Variants in TTC16 observed in about 807,000 individuals in gnomAD.
The protein encoded by TTC16 is tetratricopeptide repeat domain 16.
In TTC16, 66 loss-of-function variants were observed where a neutral mutation model predicts 80.4. That is an observed-to-expected ratio of 0.82 (90% CI 0.67 to 1.01). TTC16 has a LOEUF of 1.01. Ranked by LOEUF, TTC16 falls within the 50% of genes least tolerant of loss-of-function variation. The probability of loss-of-function intolerance (pLI) is 0.00; values close to 1 mark genes in which losing one functional copy is unlikely to be tolerated. For synonymous variants in TTC16, 438 were observed against 451.3 expected, an observed-to-expected ratio of 0.97 and a Z score of 0.37; for missense variants, 1,070 against 1,103.2, an observed-to-expected ratio of 0.97 and a Z score of 0.43.
rs1843330923 is a variant in TTC16, at chr9:127,720,096, CA to C, written c.446del (p.Gln149ArgfsTer8). The C allele has an allele frequency of 6.2e-7, 1 of 1,613,742 alleles. No homozygotes were observed. The highest frequency in any genetic ancestry group is 8.5e-7 in the Non-Finnish European group (1 of 1,180,004). On this transcript the variant is annotated frameshift_variant, in exon 5 of 14. Coordinates refer to ENST00000373289, the MANE Select transcript of TTC16 (RefSeq NM_144965.3). LOFTEE classifies it high-confidence loss of function. ...TCCCCAGGGACAATGCCTTTTTGAG[CA>C]GTGTGCCTTCCTGGATGCCCTGAAT... The part of the protein sequence containing the change: ...LYLQGQCLFE[Q>X]CAFLDALNVF...
chr9:127,725,481 G>A (rs1309164981), intron 9 of TTC16, among the ~76,000 whole-genome samples: 1 of 145,076 alleles, frequency 6.9e-6, no homozygotes, highest in East Asian at 2.2e-4. Flanking sequence ...GGAGAATGGC[G>A]TGAACCCGGG....
chr9:127,725,339 C>T (rs1490572311), intron 9 of TTC16, among the ~76,000 whole-genome samples: 4 of 150,876 alleles, frequency 2.7e-5, no homozygotes, highest in South Asian at 2.1e-4. Context: ...CCGAGGCGGG[C>T]GGATCACAAG....
Position 127,731,024 on chromosome 9 carries a change from C to A in TTC16, c.2241C>A (p.Ser747Arg), listed in dbSNP as rs773760414. 1 of 1,610,216 alleles carries A rather than the reference C, an allele frequency of 6.2e-7. No homozygotes were observed. Among genetic ancestry groups the A allele is most frequent in the Non-Finnish European group, 8.5e-7 (1 of 1,179,050 alleles). ...EATQGQRQSS[S>R]EIEATQGPRQ... is the part of the protein sequence containing the mutation. ...CTCAGGGCCAGAGGCAGAGCTCCAG[C>A]GAGATTGAGGCCACCCAGGGCCCAA... Residue 747 changes from serine (S) to arginine (R), a missense_variant, in exon 14 of 14, where the codon AGC becomes AGA. Physicochemically the swap from Ser to Arg is moderately radical, Grantham distance 110. Coordinates refer to ENST00000373289, the MANE Select transcript of TTC16 (RefSeq NM_144965.3).
rs748267282 is a variant in TTC16, at chr9:127,724,800, T to G, written c.1162T>G (p.Tyr388Asp). 3 of 1,610,444 alleles carry G rather than the reference T, an allele frequency of 1.9e-6. No individual in the cohort carries two copies. The highest frequency in any genetic ancestry group is 2.7e-5 in the African/African-American group (2 of 74,918). Residue 388 changes from tyrosine (Y) to aspartate (D), a missense_variant, in exon 9 of 14, where the codon TAC (tyrosine) becomes GAC (aspartate). Tyr to Asp is a radical substitution (Grantham distance 160, BLOSUM62 -3). Transcript: ENST00000373289. ...LGNLAFAEAD[Y>D]QQALALSPQD... ...CAACCTGGCCTTTGCCGAGGCGGAC[T>G]ACCAGCAGGCGCTGGCGCTGAGCCC... is the stretch of plus-strand genomic sequence containing the variant.
intron 9 of TTC16, 123 bp from the exon 10 acceptor site, chr9:127,726,116 G>T: frequency 1.5e-6 from 1 of 669,766 alleles, no homozygotes; most frequent in South Asian, 3.4e-5. Context: ...AGAGGAGAGG[G>T]GCGTGGTGAG....
chr9:127,720,420 G>GGCGGGGC, intron 6 of TTC16, 25 bp downstream of exon 6: 2 of 1,141,772 alleles, frequency 1.8e-6, no homozygotes, highest in Non-Finnish European at 2.7e-6. Flanking sequence ...GCGGGCAGGG[G>GGCGGGGC]CATGCCCCCC....
At position 127,723,333 on chromosome 9, in the gene TTC16, G is replaced by A. The variant is rs550274680; in HGVS notation, c.872G>A (p.Arg291Gln). ...CTGGACCCCAGTCTCTTCCTCTTCC[G>A]GTACTGCATGGGAAGGTGCTGGCCT... ...NPLDPSLFLF[R>Q]GTMYRRLQEF... Residue 291 changes from arginine to glutamine, a missense_variant and splice_region_variant, in exon 7 of 14, where the codon CGG becomes CAG. By Grantham distance (43) the Arg-to-Gln change is conservative. Transcript: ENST00000373289. 78 of 1,611,626 alleles carry A rather than the reference G, an allele frequency of 4.8e-5. No homozygotes were observed. The highest frequency in any genetic ancestry group is 1.2e-4 in the Admixed American group (7 of 59,960).
At chr9:127,723,019 C>T (rs373228412) in intron 6 of TTC16, 100 bp from the exon 7 acceptor site, 51 of 1,190,694 alleles carry the variant, frequency 4.3e-5, no homozygotes, top group East Asian at 9.6e-5. Flanking sequence ...GTGAGGGGCA[C>T]GGAGGAGGCA....
intron 13 of TTC16, 156 bp downstream of exon 13, chr9:127,729,824 G>A (rs1202103129): frequency 7.8e-6 from 5 of 641,666 alleles, no homozygotes; most frequent in Non-Finnish European, 1.4e-5. Context: ...GAGTAACACT[G>A]TTGCGGGGCT....
Position 127,727,279 on chromosome 9 carries a change from A to C in TTC16, c.1578A>C (p.Lys526Asn), listed in dbSNP as rs472144. Residue 526 changes from lysine to asparagine, a missense_variant, in exon 12 of 14, where the codon AAA (lysine) becomes AAC (asparagine). Coordinates refer to ENST00000373289, the MANE Select transcript of TTC16 (RefSeq NM_144965.3). Reference sequence around the variant, plus strand: ...GGGTATCGTTTGGCAGGATGCTTAAACGGCACGAGTTGGAGCGCCAGAAGG... The same window carrying C: ...GGGTATCGTTTGGCAGGATGCTTAACCGGCACGAGTTGGAGCGCCAGAAGG... ...GSPQGIVGMLKRHELERQKAL... is the reference protein window; with the variant it reads ...GSPQGIVGMLNRHELERQKAL... The C allele has an allele frequency of 6.4e-6, 10 of 1,561,210 alleles. No individual in the cohort carries two copies. In the South Asian group the frequency reaches 1.2e-4, roughly 18 times the overall value.
In TTC16 at chr9:127,717,802, G is replaced by A. The variant is rs758851773; in HGVS notation, c.426+30G>A. 15 of 1,600,236 alleles carry A rather than the reference G, an allele frequency of 9.4e-6. No individual in the cohort carries two copies. The East Asian group carries it at 2.5e-4, about 26-fold the overall frequency. ...CTGGGGCCTCCCGGGCCCATGCAGG[G>A]CACCCACCTCACACTTCTCAGGGGC... On this transcript the variant is annotated intron_variant, in intron 4 of 13. Transcript: ENST00000373289.
chr9:127,716,728 C>A, intron 1 of TTC16, 116 bp from the exon 2 acceptor site: 1 of 1,363,908 alleles, frequency 7.3e-7, no homozygotes, highest in Non-Finnish European at 9.8e-7. Flanking sequence ...AGTGGGAGTG[C>A]CTCCTTCCAG....
Position 127,717,433 on chromosome 9 carries a change from C to T in TTC16, c.282+9C>T. On this transcript the variant is annotated intron_variant, in intron 3 of 13. Transcript: ENST00000373289. ...ACCTGGACCCACAGCTGGTGAGAGGCAGACCTGGGTGGGCACAGGCAGTTG... is the reference window on the plus strand; with the variant it reads ...ACCTGGACCCACAGCTGGTGAGAGGTAGACCTGGGTGGGCACAGGCAGTTG... 6.2e-7 allele frequency: 1 copy of T among 1,609,230 alleles called. No homozygotes were observed. The highest frequency in any genetic ancestry group is 8.5e-7 in the Non-Finnish European group (1 of 1,176,790).
rs142200680 is a variant in TTC16, at chr9:127,730,755, T to C, written c.1972T>C (p.Ser658Pro). Residue 658 changes from serine (S) to proline (P), a missense_variant, in exon 14 of 14, where the codon TCT (serine) becomes CCT (proline). Coordinates refer to ENST00000373289, the MANE Select transcript of TTC16 (RefSeq NM_144965.3). ...ACTGTTGAAGACGCAATCCTCGGACTCTGGGAACAACAGGGAGGCACTAAG... is the reference window on the plus strand; with the variant it reads ...ACTGTTGAAGACGCAATCCTCGGACCCTGGGAACAACAGGGAGGCACTAAG... Reference protein sequence around the residue: ...SSLLKTQSSDSGNNREALSHG... With the variant: ...SSLLKTQSSDPGNNREALSHG... 77 of 1,613,720 alleles carry C rather than the reference T, an allele frequency of 4.8e-5. No individual in the cohort carries two copies. In the African/African-American group the frequency reaches 8.0e-4, roughly 17 times the overall value.
At chr9:127,729,739 A>C in intron 13 of TTC16, 71 bp downstream of exon 13, 4 of 1,454,436 alleles carry the variant, frequency 2.8e-6, no homozygotes, top group Non-Finnish European at 3.8e-6. Flanking sequence ...CAGGGGTCGA[A>C]GACCGCTGGC....
Position 127,729,637 on chromosome 9 carries a change from T to C in TTC16, c.1821T>C (p.Leu607=). The part of the protein sequence containing the change: ...SKVASLSDSY[L]DQTSSASSMS... ...TGGCGTCCCTGTCTGACAGCTACCTTGACCAGACCTCTTCAGCCTCCAGCA... is the reference window on the plus strand; with the variant it reads ...TGGCGTCCCTGTCTGACAGCTACCTCGACCAGACCTCTTCAGCCTCCAGCA... Residue 607 remains leucine (L), a synonymous_variant, in exon 13 of 14, where the codon CTT becomes CTC. Coordinates refer to ENST00000373289, the MANE Select transcript of TTC16 (RefSeq NM_144965.3). 1.2e-6 allele frequency: 2 copies of C among 1,613,764 alleles called. No individual in the cohort carries two copies. The highest frequency in any genetic ancestry group is 1.7e-6 in the Non-Finnish European group (2 of 1,180,008).
intron 12 of TTC16, chr9:127,727,936 T>C (rs1362858858): frequency 6.5e-6 from 1 of 153,282 alleles, no homozygotes; most frequent in Non-Finnish European, 1.5e-5. Context: ...ATTTTTCGTA[T>C]TTTTAGTATT....
chr9:127,723,166 C>T lies in TTC16; in HGVS notation c.705C>T (p.Pro235=). 6.2e-7 allele frequency: 1 copy of T among 1,612,706 alleles called. No homozygotes were observed. Among genetic ancestry groups the T allele is most frequent in the Admixed American group, 1.7e-5 (1 of 60,022 alleles). Residue 235 remains proline, a synonymous_variant, in exon 7 of 14, where the codon CCC becomes CCT. Coordinates refer to ENST00000373289, the MANE Select transcript of TTC16 (RefSeq NM_144965.3). ...RDLHSALLLN[P]KHPQARMLLQ... ...TGCACAGCGCCTTGCTGTTGAATCC[C>T]AAGCACCCGCAGGCCAGGATGCTGC...
At chr9:127,724,474 G>A (rs1199664288) in intron 8 of TTC16, 110 bp downstream of exon 8, 3 of 1,412,152 alleles carry the variant, frequency 2.1e-6, no homozygotes, top group Non-Finnish European at 2.9e-6. Context: ...AGGGAGAGAG[G>A]AAGGAAGCAA....
Sources: gnomAD v4.1 joint callset for allele counts (sites outside exome capture counted in the v4.1 genomes callset) on GRCh38, gnomAD v4.1.1 for gene constraint, MANE v1.5 for transcripts, NCBI Gene and HGNC (gene_info 2026-07-23, HGNC 2026-07-21) for gene names.